Variants in MRPS22 observed in about 807,000 individuals in gnomAD.
MRPS22 encodes the protein mitochondrial ribosomal protein S22.
In MRPS22, 30 loss-of-function variants were observed where a neutral mutation model predicts 44.0. That is an observed-to-expected ratio of 0.68 (90% CI 0.51 to 0.93). The LOEUF (loss-of-function observed/expected upper bound fraction) is 0.93, where lower values mean the gene tolerates loss of function less well. Among genes scored for constraint, MRPS22 ranks in the 40% least tolerant of loss-of-function variants. The pLI is 0.00. For missense variants in MRPS22, 447 were observed against 447.8 expected, an observed-to-expected ratio of 1.00 and a Z score of 0.02; for synonymous variants, 165 against 154.4, an observed-to-expected ratio of 1.07 and a Z score of -0.51.
Position 139,353,003 on chromosome 3 carries a change from G to GTAT in MRPS22, c.878+213_878+214insTTA, listed in dbSNP as rs369215331. Among the ~76,000 whole-genome samples, 8 of 152,258 alleles carry GTAT rather than the reference G, an allele frequency of 5.3e-5. No homozygotes were observed. In the East Asian group the frequency reaches 1.5e-3, roughly 29 times the overall value. ...AAGCCACTTACTTTCTCTTGAAAGA[G>GTAT]TAAGTGGCTTTGGATCTGTACTGTA... is the stretch of plus-strand genomic sequence containing the variant. On this transcript the variant is annotated intron_variant, in intron 6 of 7. Coordinates refer to ENST00000680020, the MANE Select transcript of MRPS22 (RefSeq NM_020191.4).
Position 139,352,778 on chromosome 3 carries a change from G to C in MRPS22, c.864G>C (p.Gln288His). ...AGATTGATGGTTTGCTGATTGACCA[G>C]ATTCAGAGAGATTTGTAAGTATGAT... is the stretch of plus-strand genomic sequence containing the variant. ...NKKIDGLLID[Q>H]IQRDLIDDAT... Residue 288 changes from glutamine (Q) to histidine (H), a missense_variant, in exon 6 of 8, where the codon CAG (glutamine) becomes CAC (histidine). Physicochemically the swap from Gln to His is conservative, Grantham distance 24. Transcript: ENST00000680020. 6.2e-7 allele frequency: 1 copy of C among 1,613,366 alleles called. No individual in the cohort carries two copies. Among genetic ancestry groups the C allele is most frequent in the South Asian group, 1.1e-5 (1 of 91,048 alleles).
chr3:139,349,189 C>A, intron 3 of MRPS22: 2 of 389,954 alleles, frequency 5.1e-6, no homozygotes, highest in Non-Finnish European at 1.0e-5. Flanking sequence ...GTTTGCAGTG[C>A]TGTGCATGTT....
chr3:139,349,609 T>C (rs1424898600), intron 3 of MRPS22, among the ~76,000 whole-genome samples: 1 of 152,062 alleles, frequency 6.6e-6, no homozygotes, highest in African/African-American at 2.4e-5. Flanking sequence ...TAGGTAGAAT[T>C]TAGAGGAGGA....
intron 5 of MRPS22, 64 bp downstream of exon 5, chr3:139,351,124 A>T: frequency 1.6e-6 from 2 of 1,229,174 alleles, no homozygotes; most frequent in Non-Finnish European, 2.4e-6. Flanking sequence ...TTTTTAATCT[A>T]GCTCAATGAA....
intron 3 of MRPS22, chr3:139,349,399 A>C (rs1232671561): frequency 2.4e-6 from 1 of 423,992 alleles, no homozygotes; most frequent in Non-Finnish European, 4.6e-6. Flanking sequence ...AAAACTTGAG[A>C]GTCAGTACTG....
chr3:139,347,229 T>C (rs1208166544), intron 2 of MRPS22, among the ~76,000 whole-genome samples, 185 bp downstream of exon 2: 1 of 152,116 alleles, frequency 6.6e-6, no homozygotes, highest in Non-Finnish European at 1.5e-5. Context: ...ATGGCTGGAA[T>C]TGAGCAGACT....
At chr3:139,354,118 A>C (rs552024028) in intron 6 of MRPS22, among the ~76,000 whole-genome samples, 1 of 152,336 alleles carries the variant, frequency 6.6e-6, no homozygotes, top group South Asian at 2.1e-4. Flanking sequence ...CATTCTGAAC[A>C]GAAGAGTGAG....
chr3:139,352,903 T>C, intron 6 of MRPS22, 111 bp downstream of exon 6: 1 of 1,156,468 alleles, frequency 8.6e-7, no homozygotes. Context: ...TAGTGCTTGC[T>C]TACCTCAGTT....
intron 2 of MRPS22, 91 bp from the exon 3 acceptor site, chr3:139,348,069 T>C: frequency 7.4e-7 from 1 of 1,351,942 alleles, no homozygotes; most frequent in Non-Finnish European, 1.0e-6. Flanking sequence ...TATGCAGGTT[T>C]TTGCATTTTT....
intron 1 of MRPS22, among the ~76,000 whole-genome samples, chr3:139,346,014 TTTTC>T (rs1941033290): frequency 1.3e-5 from 2 of 152,228 alleles, no homozygotes; most frequent in East Asian, 1.9e-4. Context: ...ACAAATGGCT[TTTTC>T]TTTCTTTTTT....
intron 1 of MRPS22, 120 bp downstream of exon 1, chr3:139,344,318 A>G (rs1224102673): frequency 9.0e-7 from 1 of 1,113,250 alleles, no homozygotes; most frequent in Non-Finnish European, 1.3e-6. Flanking sequence ...CCTCAGATTC[A>G]GCTGTCTTCC....
chr3:139,352,760 T>C lies in MRPS22; in HGVS notation c.846T>C (p.Asp282=), dbSNP rs142654059. 3.7e-6 allele frequency: 6 copies of C among 1,613,642 alleles called. No individual in the cohort carries two copies. The African/African-American group carries it at 5.3e-5, about 14-fold the overall frequency. The change falls in exon 6 of 8, where the codon GAT becomes GAC. Residue 282 remains aspartate, a synonymous_variant. Coordinates refer to ENST00000680020, the MANE Select transcript of MRPS22 (RefSeq NM_020191.4). ...VWYFVNNKKI[D]GLLIDQIQRD... ...ATTTTGTAAATAATAAAAAGATTGA[T>C]GGTTTGCTGATTGACCAGATTCAGA...
intron 6 of MRPS22, among the ~76,000 whole-genome samples, chr3:139,353,579 A>G (rs1014924120): frequency 3.9e-5 from 6 of 152,210 alleles, no homozygotes; most frequent in Non-Finnish European, 8.8e-5. Context: ...AATACAAACC[A>G]TATACACAAA....
chr3:139,346,426 G>C (rs1941039609), intron 1 of MRPS22, among the ~76,000 whole-genome samples: 2 of 152,076 alleles, frequency 1.3e-5, no homozygotes, highest in Non-Finnish European at 2.9e-5. Flanking sequence ...TCCAGAACCA[G>C]ACAAACCTTG....
chr3:139,351,180 G>A (rs1035142515), intron 5 of MRPS22, 120 bp downstream of exon 5: 4 of 754,880 alleles, frequency 5.3e-6, no homozygotes, highest in Non-Finnish European at 9.4e-6. Flanking sequence ...AGAAATACCT[G>A]AAAATCTATT....
chr3:139,345,576 A>G (rs1398233146), intron 1 of MRPS22, among the ~76,000 whole-genome samples: 2 of 151,744 alleles, frequency 1.3e-5, no homozygotes, highest in Non-Finnish European at 2.9e-5. Context: ...GTAAATAGCT[A>G]ATAAATGGTA....
Position 139,351,002 on chromosome 3 carries a change from T to C in MRPS22, c.674T>C (p.Val225Ala). The C allele has an allele frequency of 6.2e-7, 1 of 1,614,152 alleles. No individual in the cohort carries two copies. Among genetic ancestry groups the C allele is most frequent in the Non-Finnish European group, 8.5e-7 (1 of 1,179,988 alleles). Residue 225 changes from valine to alanine, a missense_variant, in exon 5 of 8, where the codon GTT becomes GCT. By Grantham distance (64) the Val-to-Ala change is moderately conservative. Transcript: ENST00000680020. ...LRTMYSQDRH[V>A]DVLNLCFAQF... ...ACTATGTATAGCCAGGACAGGCATG[T>C]TGATGTCCTCAATCTCTGCTTTGCC...
At position 139,350,240 on chromosome 3, in the gene MRPS22, G is replaced by A. The variant is rs1192766845; in HGVS notation, c.566G>A (p.Arg189Gln). The change falls in exon 4 of 8, where the codon CGG (arginine) becomes CAG (glutamine). Residue 189 changes from arginine (R) to glutamine (Q), a missense_variant. Coordinates refer to ENST00000680020, the MANE Select transcript of MRPS22 (RefSeq NM_020191.4). Reference protein sequence around the residue: ...GTLRKASWEERDRMIQVYFPK... With the variant: ...GTLRKASWEEQDRMIQVYFPK... ...CTACGCAAAGCCTCTTGGGAAGAAC[G>A]GGACCGAATGATACAAGTTTATTTC... 1.2e-6 allele frequency: 2 copies of A among 1,613,910 alleles called. No homozygotes were observed. The highest frequency in any genetic ancestry group is 2.2e-5 in the East Asian group (1 of 44,884).
intron 3 of MRPS22, among the ~76,000 whole-genome samples, chr3:139,348,719 CTT>C (rs1265489856): frequency 6.6e-6 from 1 of 152,176 alleles, no homozygotes; most frequent in Non-Finnish European, 1.5e-5. Flanking sequence ...ATGTTTCTGT[CTT>C]ATAAATTCCT....
Sources: allele counts gnomAD v4.1 joint callset (sites outside exome capture counted in the v4.1 genomes callset), GRCh38; gene constraint gnomAD v4.1.1; transcripts MANE v1.5; gene names NCBI Gene and HGNC (gene_info 2026-07-23, HGNC 2026-07-21).